Variants in GALNT9 observed in about 807,000 individuals in gnomAD.
The protein encoded by GALNT9 is GalNAc transferase 9.
A neutral mutation model predicts 63.1 loss-of-function variants in GALNT9; 47 were observed. The observed-to-expected ratio is 0.75, with a 90% CI of 0.59 to 0.95. The LOEUF (loss-of-function observed/expected upper bound fraction) is 0.95, where lower values mean the gene tolerates loss of function less well. Ranked by LOEUF, GALNT9 falls within the 40% of genes least tolerant of loss-of-function variation. The pLI, the probability that GALNT9 is intolerant of heterozygous loss-of-function variation, is 0.00. For missense variants in GALNT9, 829 were observed against 874.8 expected (o/e 0.95, Z 0.66); for synonymous variants, 396 against 365.7 (o/e 1.08, Z -0.94).
chr12:132,239,447 CAG>C (rs545823231), intron 6 of GALNT9, among the ~76,000 whole-genome samples: 2 of 148,312 alleles, frequency 1.3e-5, no homozygotes, highest in Non-Finnish European at 3.0e-5. Flanking sequence ...GAGTCAGAGA[CAG>C]AGAGGCAGAG....
intron 5 of GALNT9, among the ~76,000 whole-genome samples, chr12:132,254,782 G>A (rs997818829): frequency 7.9e-5 from 12 of 152,142 alleles, no homozygotes; most frequent in African/African-American, 2.9e-4. Context: ...TCCCTCTCCC[G>A]TAAGGACCCA....
chr12:132,317,043 C>T (rs1481656743), intron 1 of GALNT9, among the ~76,000 whole-genome samples: 2 of 151,096 alleles, frequency 1.3e-5, no homozygotes, highest in Non-Finnish European at 1.5e-5. Flanking sequence ...TCCTATTCTA[C>T]ACCCCACAGA....
At position 132,254,175 on chromosome 12, in the gene GALNT9, C is replaced by G. The variant is rs569969645; in HGVS notation, c.959+3514G>C. 1.1e-4 allele frequency among the ~76,000 whole-genome samples: 16 copies of G among 152,146 alleles called. No homozygotes were observed. The East Asian group carries it at 3.1e-3, about 29-fold the overall frequency. ...TAGTTGGGATTACAGGCACCTGACACCACGCCCTGCGAATTTTTGTATTTT... is the reference window on the plus strand; with the variant it reads ...TAGTTGGGATTACAGGCACCTGACAGCACGCCCTGCGAATTTTTGTATTTT... On this transcript the variant is annotated intron_variant, in intron 5 of 10. Transcript: ENST00000328957.
At chr12:132,239,019 A>C (rs1223510440) in intron 6 of GALNT9, among the ~76,000 whole-genome samples, 1 of 152,340 alleles carries the variant, frequency 6.6e-6, no homozygotes, top group South Asian at 2.1e-4. Flanking sequence ...GAGACTGTTC[A>C]GCATCAGAGG....
rs186157551 is a variant in GALNT9 at position 132,310,452 on chromosome 12, C to T, written c.238+18514G>A. 1.1e-3 allele frequency among the ~76,000 whole-genome samples: 163 copies of T among 152,276 alleles called. 1 individual carries two copies. Among genetic ancestry groups the T allele is most frequent in the Middle Eastern group, 6.8e-3 (2 of 294 alleles). ...ACAGCCCCACCCAGAAGGACGGGGC[C>T]GGCCATCTCCTGGAGGCTGAGAGCC... On this transcript the variant is annotated intron_variant, in intron 1 of 10. Coordinates refer to ENST00000328957, the MANE Select transcript of GALNT9 (RefSeq NM_001122636.2). The surrounding 1 kb of genome is among the most constrained non-coding windows in gnomAD (Gnocchi z 4.8).
chr12:132,216,509 C>T (rs34457090), intron 6 of GALNT9, among the ~76,000 whole-genome samples: 89,744 of 152,210 alleles, frequency 0.59, 26,586 homozygotes, highest in East Asian at 0.72. Flanking sequence ...TCTGCAGCCT[C>T]GGAGGACGGG....
chr12:132,213,080 CG>C, intron 6 of GALNT9, among the ~76,000 whole-genome samples: 1 of 87,174 alleles, frequency 1.1e-5, no homozygotes, highest in Admixed American at 1.3e-4. Context: ...CCTCAGACCT[CG>C]ACACGGAAAC....
At chr12:132,293,721 C>T (rs879960884) in intron 1 of GALNT9, among the ~76,000 whole-genome samples, 2 of 151,732 alleles carry the variant, frequency 1.3e-5, no homozygotes, top group Non-Finnish European at 2.9e-5. Context: ...AGCTGGGGGA[C>T]CCTGTATACA....
intron 3 of GALNT9, among the ~76,000 whole-genome samples, chr12:132,261,632 G>A (rs1378746487): frequency 6.6e-6 from 1 of 152,244 alleles, no homozygotes; most frequent in African/African-American, 2.4e-5. Flanking sequence ...AGACCCCAGT[G>A]TAGACGGTGC....
At chr12:132,203,332 C>G (rs1340041868) in intron 7 of GALNT9, among the ~76,000 whole-genome samples, 173 bp downstream of exon 7, 1 of 151,920 alleles carries the variant, frequency 6.6e-6, no homozygotes, top group Non-Finnish European at 1.5e-5. Context: ...CCCAGGCAGA[C>G]AGCTCACCCA....
Position 132,302,765 on chromosome 12 carries a change from CTG to C in GALNT9, c.239-16337_239-16336del, listed in dbSNP as rs1268910452. Among the ~76,000 whole-genome samples the C allele has an allele frequency of 1.4e-4, 21 of 152,288 alleles. No homozygotes were observed. The East Asian group carries it at 3.9e-3, about 28-fold the overall frequency. ...AAGGCCAGGAGGGCAGGAAGGTGTC[CTG>C]TGAGTGGCTGCGCATGCAGGTCAGG... On this transcript the variant is annotated intron_variant, in intron 1 of 10. Coordinates refer to ENST00000328957, the MANE Select transcript of GALNT9 (RefSeq NM_001122636.2).
At chr12:132,247,491 C>A in intron 6 of GALNT9, 1 of 403,470 alleles carries the variant, frequency 2.5e-6, no homozygotes, top group South Asian at 1.8e-5. Flanking sequence ...CCCAGCTTGG[C>A]TTCCAGCTGC....
rs1880389824 is a variant in GALNT9 at position 132,282,391 on chromosome 12, A to G, written c.419+3859T>C. On this transcript the variant is annotated intron_variant, in intron 2 of 10. Coordinates refer to ENST00000328957, the MANE Select transcript of GALNT9 (RefSeq NM_001122636.2). This position sits in a 1 kb window ranked among gnomAD's most constrained non-coding sequence, Gnocchi z 4.5. ...GATGTGCTTAAAGAAAAAACTAAAA[A>G]TACGTGTGTGCGCGTGTGTGCGTGT... is the stretch of plus-strand genomic sequence containing the variant. Among the ~76,000 whole-genome samples, 1 of 152,048 alleles carries G rather than the reference A, an allele frequency of 6.6e-6. No individual in the cohort carries two copies. The highest frequency in any genetic ancestry group is 1.5e-5 in the Non-Finnish European group (1 of 68,006).
chr12:132,314,213 T>G (rs77633892), intron 1 of GALNT9, among the ~76,000 whole-genome samples: 7,067 of 143,222 alleles, frequency 0.049, 325 homozygotes, highest in East Asian at 0.13. Context: ...CCCATCCATT[T>G]ATCCATCCAC....
intron 6 of GALNT9, among the ~76,000 whole-genome samples, chr12:132,213,519 A>T (rs1443311018): frequency 1.0e-4 from 15 of 150,676 alleles, no homozygotes; most frequent in Admixed American, 9.2e-4. Context: ...GCGCACTCAC[A>T]CACACGCACT....
At chr12:132,240,864 G>T (rs1213390299) in intron 6 of GALNT9, 1 of 381,950 alleles carries the variant, frequency 2.6e-6, no homozygotes, top group Non-Finnish European at 5.2e-6. Context: ...CCCCTTCCCA[G>T]GGCCGTCCCT....
In GALNT9 at chr12:132,325,142, C is replaced by T. The variant is rs541561580; in HGVS notation, c.238+3824G>A. ...GGCCTCCCTGGGGGACAGGGCAGGC[C>T]TTGGTGGGGTGACGCCTGCTGGAGT... is the stretch of plus-strand genomic sequence containing the variant. On this transcript the variant is annotated intron_variant, in intron 1 of 10. Transcript: ENST00000328957. Among the ~76,000 whole-genome samples, 31 of 152,376 alleles carry T rather than the reference C, an allele frequency of 2.0e-4. No homozygotes were observed. In the South Asian group the frequency reaches 5.8e-3, roughly 29 times the overall value.
At chr12:132,281,374 G>A (rs935074490) in intron 2 of GALNT9, among the ~76,000 whole-genome samples, 10 of 152,346 alleles carry the variant, frequency 6.6e-5, no homozygotes, top group East Asian at 1.9e-4. Flanking sequence ...CTTCGCATTC[G>A]AGCTTCTCAG....
chr12:132,291,969 G>T (rs1428791400), intron 1 of GALNT9, among the ~76,000 whole-genome samples: 1 of 152,244 alleles, frequency 6.6e-6, no homozygotes, highest in African/African-American at 2.4e-5. Context: ...CTCGTGGGTC[G>T]CATCCTCACT....
Sources: gnomAD v4.1 joint callset for allele counts (sites outside exome capture counted in the v4.1 genomes callset) on GRCh38, gnomAD v4.1.1 for gene constraint, Gnocchi (gnomAD v3.1) non-coding constraint, MANE v1.5 for transcripts, NCBI Gene and HGNC (gene_info 2026-07-23, HGNC 2026-07-21) for gene names.